USP45: variants seen among roughly 807,000 people sequenced by gnomAD.
USP45 encodes ubiquitin carboxyl-terminal hydrolase 45.
In USP45, 89 loss-of-function variants were observed where a neutral mutation model predicts 95.8. The ratio of observed to expected loss-of-function variants is 0.93; its 90% confidence interval spans 0.78 to 1.11. USP45 has a LOEUF of 1.11. USP45 is among the 50% of genes least tolerant of loss of function. The pLI is 0.00. For synonymous variants in USP45, 281 were observed against 316.2 expected, an observed-to-expected ratio of 0.89 and a Z score of 1.18; for missense variants, 898 against 942.5, an observed-to-expected ratio of 0.95 and a Z score of 0.62.
chr6:99,482,000 TA>T (rs979345153), intron 8 of USP45, among the ~76,000 whole-genome samples: 1 of 152,228 alleles, frequency 6.6e-6, no homozygotes, highest in African/African-American at 2.4e-5. Context: ...GGACTATATT[TA>T]AAATATCATG....
chr6:99,457,012 G>C (rs1323641121), intron 13 of USP45, among the ~76,000 whole-genome samples: 1 of 152,196 alleles, frequency 6.6e-6, no homozygotes, highest in Non-Finnish European at 1.5e-5. Context: ...GGTCGAGACT[G>C]CAGGGATGAA....
In USP45 at chr6:99,507,482, C is replaced by T; in HGVS notation, c.323G>A (p.Ser108Asn). 1.2e-6 allele frequency: 2 copies of T among 1,613,350 alleles called. No individual in the cohort carries two copies. The highest frequency in any genetic ancestry group is 1.7e-6 in the Non-Finnish European group (2 of 1,179,676). Reference sequence around the variant, plus strand: ...AATACAATGGGGCTCTGTTCTGGAACTCTTAAAGTGCTTCAATGAATGTTG... The same window carrying T: ...AATACAATGGGGCTCTGTTCTGGAATTCTTAAAGTGCTTCAATGAATGTTG... Reference protein sequence around the residue: ...ESQHSLKHFKSSRTEPHCIII... With the variant: ...ESQHSLKHFKNSRTEPHCIII... Residue 108 changes from serine to asparagine, a missense_variant, in exon 4 of 18, where the codon AGT becomes AAT. Coordinates refer to ENST00000500704, the MANE Select transcript of USP45 (RefSeq NM_001346022.3).
intron 8 of USP45, among the ~76,000 whole-genome samples, chr6:99,480,201 T>C (rs1310478721): frequency 6.6e-6 from 1 of 152,108 alleles, no homozygotes; most frequent in African/African-American, 2.4e-5. Context: ...TAACAAAATA[T>C]GTGCGGGATT....
intron 15 of USP45, among the ~76,000 whole-genome samples, 180 bp from the exon 16 acceptor site, chr6:99,440,035 C>CA (rs35570469): frequency 0.13 from 19,854 of 152,120 alleles, 1,852 homozygotes; most frequent in Non-Finnish European, 0.18. Context: ...ATTGTTACTG[C>CA]AAAGATTATT....
chr6:99,483,415 C>A (rs190754261), intron 7 of USP45, among the ~76,000 whole-genome samples: 1 of 152,228 alleles, frequency 6.6e-6, no homozygotes, highest in East Asian at 1.9e-4. Flanking sequence ...GAAGGATTAA[C>A]CCATTTAATT....
At chr6:99,473,460 T>G (rs879432213) in intron 9 of USP45, among the ~76,000 whole-genome samples, 2 of 151,626 alleles carry the variant, frequency 1.3e-5, no homozygotes, top group Non-Finnish European at 2.9e-5. Flanking sequence ...GGCAGGAGAA[T>G]CACTTGAACC....
intron 13 of USP45, among the ~76,000 whole-genome samples, chr6:99,449,021 A>C (rs928054108): frequency 6.6e-6 from 1 of 152,218 alleles, no homozygotes; most frequent in Non-Finnish European, 1.5e-5. Context: ...TCCTGAAGGA[A>C]GCACTAAACA....
In USP45 at chr6:99,459,067, T is replaced by C. The variant is rs553277410; in HGVS notation, c.1308+5537A>G. ...AAACTTGTGTCACAGGGGTTTGTTA[T>C]ACAGATTATTTCTTCACCCAGGTAC... On this transcript the variant is annotated intron_variant, in intron 13 of 17. Coordinates refer to ENST00000500704, the MANE Select transcript of USP45 (RefSeq NM_001346022.3). 2.6e-5 allele frequency among the ~76,000 whole-genome samples: 4 copies of C among 152,304 alleles called. No individual in the cohort carries two copies. In the East Asian group the frequency reaches 7.7e-4, roughly 29 times the overall value.
At chr6:99,469,779 G>GT (rs952095491) in intron 9 of USP45, among the ~76,000 whole-genome samples, 19 of 151,744 alleles carry the variant, frequency 1.3e-4, no homozygotes, top group African/African-American at 3.9e-4. Context: ...TGCCACACCT[G>GT]TTTTTTGTTG....
At chr6:99,440,976 T>C (rs1781414712) in intron 15 of USP45, among the ~76,000 whole-genome samples, 1 of 152,194 alleles carries the variant, frequency 6.6e-6, no homozygotes, top group Admixed American at 6.5e-5. Context: ...AAGATGAATC[T>C]TTTTTTAGGT....
At chr6:99,510,256 C>A in intron 1 of USP45, 26 bp from the exon 2 acceptor site, 12 of 1,538,056 alleles carry the variant, frequency 7.8e-6, no homozygotes, top group Non-Finnish European at 9.8e-6. Context: ...GAAAAAAATT[C>A]ATACATTTTA....
In USP45 at chr6:99,435,665, T is replaced by C. The variant is rs938963451; in HGVS notation, c.*51A>G. The C allele has an allele frequency of 6.6e-7, 1 of 1,513,810 alleles. No individual in the cohort carries two copies. The highest frequency in any genetic ancestry group is 1.4e-5 in the African/African-American group (1 of 72,574). 93.8% of individuals were successfully genotyped at this position (1,513,810 alleles called of 1,614,324 possible). ...AAAGGCACATTATATATTATAGTTA[T>C]CACTGTGGCATTCAAAAACAAATGA... On this transcript the variant is annotated 3_prime_UTR_variant, in exon 18 of 18. Transcript: ENST00000500704.
rs551800573 is a variant in USP45, at chr6:99,450,208, C to CA, written c.1309-3746dup. ...AGCAGAACTGAAAGAGATAGAGACA[C>CA]AAAAAAAAACCCTTCAAAAAATCAA... On this transcript the variant is annotated intron_variant, in intron 13 of 17. Coordinates refer to ENST00000500704, the MANE Select transcript of USP45 (RefSeq NM_001346022.3). 1.2e-3 allele frequency among the ~76,000 whole-genome samples: 178 copies of CA among 148,686 alleles called. 1 individual carries two copies. The highest frequency in any genetic ancestry group is 3.5e-3 in the East Asian group (18 of 5,074).
chr6:99,466,079 C>T (rs552988141), intron 11 of USP45, among the ~76,000 whole-genome samples: 2 of 151,580 alleles, frequency 1.3e-5, no homozygotes, highest in African/African-American at 2.4e-5. Context: ...TGCAGTAGTG[C>T]GATCTCGGCT....
intron 13 of USP45, among the ~76,000 whole-genome samples, chr6:99,464,265 C>A (rs1378557056): frequency 6.6e-6 from 1 of 152,208 alleles, no homozygotes; most frequent in African/African-American, 2.4e-5. Context: ...GAGATTGCAC[C>A]ATTGCACTCC....
At chr6:99,474,747 C>A (rs1790375625) in intron 9 of USP45, among the ~76,000 whole-genome samples, 1 of 152,180 alleles carries the variant, frequency 6.6e-6, no homozygotes, top group Non-Finnish European at 1.5e-5. Context: ...TAGGAACGAT[C>A]AGCAATGTCT....
intron 7 of USP45, among the ~76,000 whole-genome samples, chr6:99,485,875 G>C (rs1554247409): frequency 1.3e-5 from 2 of 152,034 alleles, no homozygotes; most frequent in Non-Finnish European, 2.9e-5. Context: ...GAATAAAGAA[G>C]AAAAACCATA....
At chr6:99,441,586 C>G (rs1016425906) in intron 15 of USP45, among the ~76,000 whole-genome samples, 12 of 152,036 alleles carry the variant, frequency 7.9e-5, no homozygotes, top group African/African-American at 2.7e-4. Flanking sequence ...AAATTGCTTT[C>G]TAGCAGGTGT....
At chr6:99,464,775 A>C (rs1787494359) in intron 12 of USP45, 28 bp from the exon 13 acceptor site, 1 of 1,556,418 alleles carries the variant, frequency 6.4e-7, no homozygotes. Context: ...ACAGAAACCA[A>C]AACCTCTTTA....
Sources: gnomAD v4.1 joint callset for allele counts (sites outside exome capture counted in the v4.1 genomes callset) on GRCh38, gnomAD v4.1.1 for gene constraint, MANE v1.5 for transcripts, NCBI Gene and HGNC (gene_info 2026-07-23, HGNC 2026-07-21) for gene names.